Variants in IQCH observed in about 807,000 individuals in gnomAD.
IQCH encodes the protein IQ motif containing H.
IQCH carries 98 observed loss-of-function variants against 117.0 expected under a neutral mutation model. That is an observed-to-expected ratio of 0.84 (90% CI 0.71 to 0.99). IQCH has a LOEUF of 0.99. Ranked by LOEUF, IQCH falls within the 50% of genes least tolerant of loss-of-function variation. The pLI, the probability that IQCH is intolerant of heterozygous loss-of-function variation, is 0.00. For synonymous variants in IQCH, 412 were observed against 448.2 expected (o/e 0.92, Z 1.02); for missense variants, 1,102 against 1,243.8 (o/e 0.89, Z 1.72).
rs2082682146 is a variant in IQCH at position 67,457,310 on chromosome 15, TACC to T, written c.2506-7814_2506-7812del. On this transcript the variant is annotated intron_variant, in intron 16 of 20. Coordinates refer to ENST00000335894, the MANE Select transcript of IQCH (RefSeq NM_001031715.3). This position sits in a 1 kb window ranked among gnomAD's most constrained non-coding sequence, Gnocchi z 5.7. Reference sequence around the variant, plus strand: ...AAAATTAAGCATGAGGTGTGTTGTTTACCACAATGGAGAGCTCCATGCTGTCTG... The same window carrying T: ...AAAATTAAGCATGAGGTGTGTTGTTTACAATGGAGAGCTCCATGCTGTCTG... Among the ~76,000 whole-genome samples, 1 of 152,230 alleles carries T rather than the reference TACC, an allele frequency of 6.6e-6. No homozygotes were observed. Among genetic ancestry groups the T allele is most frequent in the Non-Finnish European group, 1.5e-5 (1 of 68,038 alleles).
Position 67,494,024 on chromosome 15 carries a change from C to T in IQCH, c.2862-234C>T, listed in dbSNP as rs979235923. Reference sequence around the variant, plus strand: ...AGACTTTCGCTAGAAATGACCTACCCTATTGGTATATTCTGCTAAGTTGAT... The same window carrying T: ...AGACTTTCGCTAGAAATGACCTACCTTATTGGTATATTCTGCTAAGTTGAT... On this transcript the variant is annotated intron_variant, in intron 19 of 20. Transcript: ENST00000335894. This position sits in a 1 kb window ranked among gnomAD's most constrained non-coding sequence, Gnocchi z 5.5. Among the ~76,000 whole-genome samples the T allele has an allele frequency of 6.6e-6, 1 of 152,186 alleles. No individual in the cohort carries two copies. Among genetic ancestry groups the T allele is most frequent in the Non-Finnish European group, 1.5e-5 (1 of 68,020 alleles).
In IQCH at chr15:67,416,529, G is replaced by C. The variant is rs1167757094; in HGVS notation, c.2098-402G>C. Among the ~76,000 whole-genome samples, 3 of 150,046 alleles carry C rather than the reference G, an allele frequency of 2.0e-5. No individual in the cohort carries two copies. The highest frequency in any genetic ancestry group is 2.0e-4 in the Admixed American group (3 of 15,070). ...CAAAACTGCGTCTCAAAAAAAAAAA[G>C]AAAAAACAAAAAACAAAAACAAAAA... On this transcript the variant is annotated intron_variant, in intron 14 of 20. Transcript: ENST00000335894. The surrounding 1 kb of genome is among the most constrained non-coding windows in gnomAD (Gnocchi z 5.1).
At chr15:67,304,703 C>A (rs1353934303) in intron 4 of IQCH, among the ~76,000 whole-genome samples, 1 of 151,840 alleles carries the variant, frequency 6.6e-6, no homozygotes, top group Non-Finnish European at 1.5e-5. Context: ...CCTAAATAAT[C>A]TAGTACCATA....
chr15:67,375,102 G>A (rs1278796881), intron 10 of IQCH, among the ~76,000 whole-genome samples: 2 of 152,122 alleles, frequency 1.3e-5, no homozygotes, highest in Non-Finnish European at 2.9e-5. Flanking sequence ...GAAAGTAATC[G>A]TTATGTAAAC....
chr15:67,494,271 G>C lies in IQCH; in HGVS notation c.2875G>C (p.Asp959His). 1 of 1,608,742 alleles carries C rather than the reference G, an allele frequency of 6.2e-7. No homozygotes were observed. The highest frequency in any genetic ancestry group is 8.5e-7 in the Non-Finnish European group (1 of 1,178,540). Reference sequence around the variant, plus strand: ...TATCATTAACAGAACAATCGGCGAGGATCTCCAGGGGGTCCTCATGACCTT... The same window carrying C: ...TATCATTAACAGAACAATCGGCGAGCATCTCCAGGGGGTCCTCATGACCTT... ...HKLGMLTIGE[D>H]LQGVLMTFAR... The change falls in exon 20 of 21, where the codon GAT (aspartate) becomes CAT (histidine). Residue 959 changes from aspartate to histidine, a missense_variant. By Grantham distance (81) the Asp-to-His change is moderately conservative. Around this residue, in one of 2 missense-constraint regions of IQCH, gnomAD observed 650 missense variants for 794.3 expected, o/e 0.82. Transcript: ENST00000335894. This position sits in a 1 kb window ranked among gnomAD's most constrained non-coding sequence, Gnocchi z 5.5.
rs1970582950 is a variant in IQCH, at chr15:67,372,567, A to G, written c.1210A>G (p.Ile404Val). The change falls in exon 9 of 21, where the codon ATT (isoleucine) becomes GTT (valine). Residue 404 changes from isoleucine to valine, a missense_variant. Transcript: ENST00000335894. ...QQKWASGVIA[I>V]AWLLYCHKTR... is the part of the protein sequence containing the mutation. ...GAAGTGGGCATCAGGTGTGATTGCC[A>G]TTGCTTGGCTGTTATATTGCCATAA... 1 of 1,613,908 alleles carries G rather than the reference A, an allele frequency of 6.2e-7. No homozygotes were observed. The highest frequency in any genetic ancestry group is 8.5e-7 in the Non-Finnish European group (1 of 1,179,986).
At chr15:67,297,623 T>C (rs189334128) in intron 4 of IQCH, among the ~76,000 whole-genome samples, 12 of 152,288 alleles carry the variant, frequency 7.9e-5, no homozygotes, top group African/African-American at 2.4e-4. Flanking sequence ...TTCACTAATA[T>C]TGTATAATTC....
At position 67,456,601 on chromosome 15, in the gene IQCH, A is replaced by G. The variant is rs747862346; in HGVS notation, c.2506-8526A>G. ...CCATTTCATCTATTCCATGAGGATA[A>G]TCATGGAATATGATTTAGACATAAC... On this transcript the variant is annotated intron_variant, in intron 16 of 20. Coordinates refer to ENST00000335894, the MANE Select transcript of IQCH (RefSeq NM_001031715.3). This position sits in a 1 kb window ranked among gnomAD's most constrained non-coding sequence, Gnocchi z 5.1. Among the ~76,000 whole-genome samples, 13 of 152,200 alleles carry G rather than the reference A, an allele frequency of 8.5e-5. No individual in the cohort carries two copies. Among genetic ancestry groups the G allele is most frequent in the Non-Finnish European group, 1.9e-4 (13 of 68,040 alleles).
intron 20 of IQCH, among the ~76,000 whole-genome samples, chr15:67,499,583 C>T (rs566179459): frequency 2.5e-4 from 38 of 152,058 alleles, no homozygotes; most frequent in African/African-American, 9.2e-4. Flanking sequence ...CCATATGACC[C>T]GGCAATTCCA....
At position 67,385,306 on chromosome 15, in the gene IQCH, A is replaced by G. The variant is rs1179192802; in HGVS notation, c.1456+287A>G. On this transcript the variant is annotated intron_variant, in intron 11 of 20. Transcript: ENST00000335894. This position sits in a 1 kb window ranked among gnomAD's most constrained non-coding sequence, Gnocchi z 4.6. Reference sequence around the variant, plus strand: ...CAGAATTTCTCTCCTATAAACCGAAATCTTTATTTACTGAATCTTACAGTG... The same window carrying G: ...CAGAATTTCTCTCCTATAAACCGAAGTCTTTATTTACTGAATCTTACAGTG... 6.6e-6 allele frequency among the ~76,000 whole-genome samples: 1 copy of G among 152,144 alleles called. No individual in the cohort carries two copies. The highest frequency in any genetic ancestry group is 1.5e-5 in the Non-Finnish European group (1 of 68,016).
intron 16 of IQCH, among the ~76,000 whole-genome samples, chr15:67,461,219 T>C (rs1343414516): frequency 6.6e-6 from 1 of 152,070 alleles, no homozygotes; most frequent in East Asian, 1.9e-4. Context: ...CTACTAAAAA[T>C]ACAAGAATAG....
At chr15:67,255,781 C>A (rs372649504) in intron 1 of IQCH, among the ~76,000 whole-genome samples, 1 of 152,172 alleles carries the variant, frequency 6.6e-6, no homozygotes, top group Non-Finnish European at 1.5e-5. Flanking sequence ...GATCTCTTAC[C>A]TCCCATCTAG....
intron 6 of IQCH, among the ~76,000 whole-genome samples, chr15:67,345,214 C>T (rs941659157): frequency 6.6e-6 from 1 of 152,156 alleles, no homozygotes; most frequent in African/African-American, 2.4e-5. Flanking sequence ...TGGTCTCAAA[C>T]TCCTGACCTC....
intron 15 of IQCH, among the ~76,000 whole-genome samples, chr15:67,420,828 C>T (rs375748502): frequency 1.3e-5 from 2 of 152,224 alleles, no homozygotes; most frequent in African/African-American, 2.4e-5. Context: ...TCAATGTTCT[C>T]TCTGCCCACA....
chr15:67,495,218 GTAACAA>G (rs1203881934), intron 20 of IQCH, among the ~76,000 whole-genome samples: 4 of 151,928 alleles, frequency 2.6e-5, no homozygotes, highest in African/African-American at 9.7e-5. Context: ...TTTAGTAACA[GTAACAA>G]TAACAATGTG....
In IQCH at chr15:67,476,381, T is replaced by C. The variant is rs2083201756; in HGVS notation, c.2799+563T>C. ...GGAAGGAGAGAGAGAGAGATCTCTG[T>C]TGTCTCTTTTACAAGGTACCAGTTC... On this transcript the variant is annotated intron_variant, in intron 18 of 20. Transcript: ENST00000335894. The surrounding 1 kb of genome is among the most constrained non-coding windows in gnomAD (Gnocchi z 4.1). Among the ~76,000 whole-genome samples, 1 of 152,176 alleles carries C rather than the reference T, an allele frequency of 6.6e-6. No individual in the cohort carries two copies. Among genetic ancestry groups the C allele is most frequent in the Non-Finnish European group, 1.5e-5 (1 of 68,028 alleles).
intron 3 of IQCH, among the ~76,000 whole-genome samples, chr15:67,274,162 T>G (rs1310868722): frequency 2.0e-5 from 3 of 152,218 alleles, no homozygotes; most frequent in Non-Finnish European, 4.4e-5. Context: ...GGGTTGAATC[T>G]ATTTGGTGTT....
rs1456694145 is a variant in IQCH, at chr15:67,436,868, C to A, written c.2505+15291C>A. Among the ~76,000 whole-genome samples, 1 of 152,100 alleles carries A rather than the reference C, an allele frequency of 6.6e-6. No homozygotes were observed. The highest frequency in any genetic ancestry group is 1.5e-5 in the Non-Finnish European group (1 of 68,020). ...CAACTCCAGTGACCTGGGAACCTCA[C>A]CCTCATCCCCCACAACAGCTGCAGC... On this transcript the variant is annotated intron_variant, in intron 16 of 20. Transcript: ENST00000335894. The surrounding 1 kb of genome is among the most constrained non-coding windows in gnomAD (Gnocchi z 5.1).
At chr15:67,400,610 G>A (rs866706756) in intron 14 of IQCH, among the ~76,000 whole-genome samples, 1 of 149,748 alleles carries the variant, frequency 6.7e-6, no homozygotes, top group Non-Finnish European at 1.5e-5. Context: ...TCAGCCTTCT[G>A]AGTAGTGGGG....
Sources: allele counts gnomAD v4.1 joint callset (sites outside exome capture counted in the v4.1 genomes callset), GRCh38; gene constraint gnomAD v4.1.1; regional missense constraint gnomAD v4.1.1; non-coding constraint Gnocchi (gnomAD v3.1); transcripts MANE v1.5; gene names NCBI Gene and HGNC (gene_info 2026-07-23, HGNC 2026-07-21).